Variants in FGF13 observed in about 807,000 individuals in gnomAD.
FGF13 encodes the protein fibroblast growth factor homologous factor 2.
A neutral mutation model predicts 19.5 loss-of-function variants in FGF13; 2 were observed. The ratio of observed to expected loss-of-function variants is 0.10; its 90% confidence interval spans 0.04 to 0.32. The LOEUF (loss-of-function observed/expected upper bound fraction) is 0.32. Ranked by LOEUF, FGF13 falls within the 10% of genes least tolerant of loss-of-function variation. The pLI is 1.00. For synonymous variants in FGF13, 72 were observed against 76.9 expected (o/e 0.94, Z 0.33); for missense variants, 113 against 192.7 (o/e 0.59, Z 2.45).
intron 1 of FGF13, among the ~76,000 whole-genome samples, chrX:139,090,785 A>G (rs554296948): frequency 1.1e-4 from 12 of 109,293 alleles, no homozygotes; most frequent in Middle Eastern, 4.7e-3. Flanking sequence ...TACAAAAATT[A>G]CAAAAATTAG....
intron 3 of FGF13, among the ~76,000 whole-genome samples, chrX:138,686,859 A>AAAC (rs1329664802): frequency 8.9e-6 from 1 of 112,051 alleles, no homozygotes; most frequent in South Asian, 3.7e-4. Flanking sequence ...ATATTTCAGG[A>AAAC]AATAATAATA....
At chrX:139,068,986 GAA>G (rs1295318993) in intron 1 of FGF13, among the ~76,000 whole-genome samples, 8 of 108,101 alleles carry the variant, frequency 7.4e-5, no homozygotes, top group African/African-American at 2.7e-4. Flanking sequence ...AGGATGTGGA[GAA>G]ATAGGAACAC....
At chrX:138,935,778 C>T (rs192008322) in intron 1 of FGF13, among the ~76,000 whole-genome samples, 91 of 111,232 alleles carry the variant, frequency 8.2e-4, no homozygotes, top group African/African-American at 2.6e-3. Context: ...TCACACAAAC[C>T]CTCTTCTATA....
intron 1 of FGF13, among the ~76,000 whole-genome samples, chrX:139,062,130 A>G (rs1351939968): frequency 9.0e-6 from 1 of 111,360 alleles, no homozygotes; most frequent in African/African-American, 3.3e-5. Flanking sequence ...ATCCAAAAAA[A>G]TCATTTCCCA....
chrX:138,649,531 T>C (rs1265808120), intron 3 of FGF13, among the ~76,000 whole-genome samples: 2 of 111,655 alleles, frequency 1.8e-5, no homozygotes, highest in Admixed American at 9.5e-5. Flanking sequence ...GGGGGTAGGG[T>C]TGCATGCACT....
intron 3 of FGF13, among the ~76,000 whole-genome samples, chrX:138,748,684 G>A (rs946611970): frequency 9.0e-6 from 1 of 111,470 alleles, no homozygotes; most frequent in African/African-American, 3.3e-5. Flanking sequence ...GGACAAGGTA[G>A]CAGTCCAAAC....
chrX:138,737,403 T>A (rs183663854), intron 1 of FGF13, among the ~76,000 whole-genome samples: 107 of 112,153 alleles, frequency 9.5e-4, no homozygotes, highest in Middle Eastern at 9.3e-3. Flanking sequence ...CTATATCAGA[T>A]ATTTTAATAT....
downstream of FGF13, among the ~76,000 whole-genome samples, chrX:138,854,850 T>C (rs1251853935): frequency 8.9e-6 from 1 of 112,003 alleles, no homozygotes; most frequent in Non-Finnish European, 1.9e-5. Flanking sequence ...CTTCACCTGC[T>C]GTAGAATTGG....
At chrX:138,863,152 G>T (rs1311616460) in intron 2 of FGF13, among the ~76,000 whole-genome samples, 2 of 110,916 alleles carry the variant, frequency 1.8e-5, no homozygotes, top group Non-Finnish European at 3.8e-5. Context: ...CCACGTTAGG[G>T]AGGTTTCAAT....
In FGF13 at chrX:138,617,437, T is replaced by C. The variant is rs781500405; in HGVS notation, c.*15413A>G. On this transcript the variant is annotated 3_prime_UTR_variant, in exon 5 of 5. Transcript: ENST00000315930. Reference sequence around the variant, plus strand: ...AATATAATCAACTAACTTGCAACCGTAAGTTGGAGATTGTATCAAATTTGT... The same window carrying C: ...AATATAATCAACTAACTTGCAACCGCAAGTTGGAGATTGTATCAAATTTGT... 2 of 112,174 alleles carry C rather than the reference T, an allele frequency of 1.8e-5. No individual in the cohort carries two copies. The highest frequency in any genetic ancestry group is 3.7e-4 in the South Asian group (1 of 2,697). 9.2% of individuals were successfully genotyped at this position (112,174 alleles called of 1,213,427 possible).
intron 1 of FGF13, among the ~76,000 whole-genome samples, chrX:138,914,270 C>T (rs904774803): frequency 3.8e-5 from 4 of 106,530 alleles, no homozygotes; most frequent in Non-Finnish European, 5.8e-5. Flanking sequence ...TTGTGCCCCC[C>T]GAGCTGCCAT....
intron 1 of FGF13, among the ~76,000 whole-genome samples, chrX:139,103,775 G>A (rs757101355): frequency 6.2e-5 from 7 of 112,159 alleles, no homozygotes; most frequent in Admixed American, 3.8e-4. Context: ...CTGTAGGCCT[G>A]AGACTGAGAA....
chrX:138,761,205 C>T (rs891555509), intron 3 of FGF13, among the ~76,000 whole-genome samples: 4 of 111,913 alleles, frequency 3.6e-5, no homozygotes, highest in African/African-American at 6.5e-5. Flanking sequence ...AGGCCTTTGA[C>T]GATACTTTTT....
chrX:138,830,342 GAAAGT>G (rs1467740472), intron 3 of FGF13, among the ~76,000 whole-genome samples: 1 of 111,873 alleles, frequency 8.9e-6, no homozygotes, highest in Non-Finnish European at 1.9e-5. Context: ...CAGAAATAGG[GAAAGT>G]AAAGACCCTT....
intron 1 of FGF13, among the ~76,000 whole-genome samples, chrX:138,915,395 T>C (rs1215548725): frequency 9.0e-6 from 1 of 111,692 alleles, no homozygotes; most frequent in Non-Finnish European, 1.9e-5. Context: ...CCTTTCTCAT[T>C]CTTGCTAACT....
rs779761188 is a variant in FGF13 at position 138,909,113 on chromosome X, T to C, written c.-112-44463A>G. Among the ~76,000 whole-genome samples the C allele has an allele frequency of 3.6e-5, 4 of 112,073 alleles. No homozygotes were observed. The South Asian group carries it at 1.5e-3, about 42-fold the overall frequency. The stretch of plus-strand genomic sequence containing the variant: ...GGTTTGCTGGGGGTTACTGAGCTTC[T>C]AGTTGTCTTTATGTGGTTTTCCTCT... On this transcript the variant is annotated intron_variant, in intron 1 of 2. Coordinates refer to the FGF13 transcript ENST00000421460.
intron 2 of FGF13, among the ~76,000 whole-genome samples, chrX:138,861,034 G>A (rs981080715): frequency 8.9e-5 from 10 of 112,747 alleles, no homozygotes; most frequent in African/African-American, 3.2e-4. Context: ...AGTGACTTTA[G>A]TGGTGGGATG....
At chrX:139,155,379 G>A (rs778358101) in intron 1 of FGF13, among the ~76,000 whole-genome samples, 3 of 111,824 alleles carry the variant, frequency 2.7e-5, no homozygotes, top group South Asian at 3.8e-4. Flanking sequence ...CACTGAAGAC[G>A]CTTTAGAGCC....
At chrX:138,656,024 A>G (rs1485199402) in intron 3 of FGF13, among the ~76,000 whole-genome samples, 9 of 112,254 alleles carry the variant, frequency 8.0e-5, no homozygotes, top group African/African-American at 2.9e-4. Context: ...ACTATGCTAA[A>G]GCCCTAGGGA....
Sources: gnomAD v4.1 joint callset for allele counts (sites outside exome capture counted in the v4.1 genomes callset) on GRCh38, gnomAD v4.1.1 for gene constraint, MANE v1.5 for transcripts, NCBI Gene and HGNC (gene_info 2026-07-23, HGNC 2026-07-21) for gene names.